The following SDK1 variants were observed in gnomAD, a reference collection of about 807,000 sequenced individuals.
SDK1 encodes protein sidekick-1.
In SDK1, 157 loss-of-function variants were observed where a neutral mutation model predicts 245.5. That is an observed-to-expected ratio of 0.64 (90% confidence interval 0.56 to 0.73). The LOEUF is 0.73. Ranked by LOEUF, SDK1 falls within the 30% of genes least tolerant of loss-of-function variation. SDK1 has a pLI of 0.00. For synonymous variants in SDK1, 1,647 were observed against 1,278.5 expected, an observed-to-expected ratio of 1.29 and a Z score of -6.15; for missense variants, 3,583 against 3,002.3, an observed-to-expected ratio of 1.19 and a Z score of -4.52.
Position 4,266,930 on chromosome 7 carries a change from T to G in SDK1, c.*1546T>G. 1.4e-5 allele frequency: 14 copies of G among 985,498 alleles called. No homozygotes were observed. Among genetic ancestry groups the G allele is most frequent in the Non-Finnish European group, 1.7e-5 (14 of 829,962 alleles). 61.0% of individuals were successfully genotyped at this position (985,498 alleles called of 1,614,324 possible). The stretch of plus-strand genomic sequence containing the variant: ...CAGTGACCTGAGGGTAGGGGACAAC[T>G]GAGCAGTATCTGACCAGTGCCACCC... On this transcript the variant is annotated 3_prime_UTR_variant, in exon 45 of 45. Transcript: ENST00000404826.
intron 1 of SDK1, 140 bp downstream of exon 1, chr7:3,302,024 C>T (rs1180793683): frequency 3.6e-6 from 2 of 552,838 alleles, no homozygotes; most frequent in East Asian, 9.3e-5. Flanking sequence ...CTAGGGAGCC[C>T]AGGGGCTCCT....
At chr7:4,017,782 G>A (rs1010376102) in intron 17 of SDK1, among the ~76,000 whole-genome samples, 2 of 152,146 alleles carry the variant, frequency 1.3e-5, no homozygotes, top group African/African-American at 2.4e-5. Flanking sequence ...ACTGGTAATC[G>A]AATTTGCAAC....
intron 4 of SDK1, among the ~76,000 whole-genome samples, chr7:3,674,241 C>T (rs955705239): frequency 6.6e-6 from 1 of 152,012 alleles, no homozygotes; most frequent in Admixed American, 6.6e-5. Context: ...TAAAGTTAGA[C>T]GACATGAGAT....
intron 4 of SDK1, among the ~76,000 whole-genome samples, chr7:3,790,357 C>G (rs1781042568): frequency 6.6e-6 from 1 of 152,174 alleles, no homozygotes; most frequent in Non-Finnish European, 1.5e-5. Flanking sequence ...CCTCCAGTCT[C>G]CTGTGGCTGC....
chr7:3,913,232 C>T (rs562741372), intron 5 of SDK1, among the ~76,000 whole-genome samples: 10 of 152,120 alleles, frequency 6.6e-5, no homozygotes, highest in East Asian at 1.9e-4. Flanking sequence ...AGATGGCTCC[C>T]GGTCTTCTTG....
At chr7:3,449,867 G>C (rs890349466) in intron 1 of SDK1, among the ~76,000 whole-genome samples, 1 of 152,186 alleles carries the variant, frequency 6.6e-6, no homozygotes, top group Non-Finnish European at 1.5e-5. Flanking sequence ...TTAGGAGCTA[G>C]TGGACACTCA....
At chr7:4,186,539 G>C (rs182003646) in intron 35 of SDK1, among the ~76,000 whole-genome samples, 1 of 152,188 alleles carries the variant, frequency 6.6e-6, no homozygotes, top group Non-Finnish European at 1.5e-5. Flanking sequence ...CCCGGAGCCG[G>C]CTCGCCTTCC....
At chr7:3,396,168 T>A (rs1296135385) in intron 1 of SDK1, among the ~76,000 whole-genome samples, 1 of 151,896 alleles carries the variant, frequency 6.6e-6, no homozygotes, top group Non-Finnish European at 1.5e-5. Flanking sequence ...TTATTCAGAT[T>A]AAAATACTTG....
At chr7:4,207,417 C>T (rs1042101393) in intron 36 of SDK1, among the ~76,000 whole-genome samples, 1 of 152,164 alleles carries the variant, frequency 6.6e-6, no homozygotes, top group African/African-American at 2.4e-5. Context: ...CTCTTTAAAC[C>T]TTTGTGCTTG....
chr7:4,034,860 C>A (rs1178376277), intron 17 of SDK1, among the ~76,000 whole-genome samples: 1 of 152,140 alleles, frequency 6.6e-6, no homozygotes, highest in Non-Finnish European at 1.5e-5. Flanking sequence ...AGGACGAATT[C>A]GAGAACTAGA....
chr7:3,608,965 C>A (rs1378120964), intron 1 of SDK1, among the ~76,000 whole-genome samples: 1 of 152,066 alleles, frequency 6.6e-6, no homozygotes, highest in African/African-American at 2.4e-5. Flanking sequence ...TTACAAGAGA[C>A]TAAATGCAGA....
chr7:3,971,381 C>A, intron 11 of SDK1, 85 bp from the exon 12 acceptor site: 3 of 864,400 alleles, frequency 3.5e-6, no homozygotes, highest in Non-Finnish European at 5.8e-6. Context: ...GTTGTGATGT[C>A]AGATGACCAG....
At chr7:3,361,772 C>A (rs936555989) in intron 1 of SDK1, among the ~76,000 whole-genome samples, 2 of 152,228 alleles carry the variant, frequency 1.3e-5, no homozygotes, top group East Asian at 3.9e-4. Flanking sequence ...GTTCCATGCA[C>A]AGTATTGGTG....
intron 12 of SDK1, among the ~76,000 whole-genome samples, chr7:3,972,625 A>C (rs1012658402): frequency 4.6e-5 from 7 of 152,356 alleles, no homozygotes; most frequent in South Asian, 4.1e-4. Flanking sequence ...GAAGGGGCAC[A>C]GTGCATGAGT....
At position 3,632,798 on chromosome 7, in the gene SDK1, A is replaced by G. The variant is rs143173815; in HGVS notation, c.459-6206A>G. On this transcript the variant is annotated intron_variant, in intron 2 of 44. Coordinates refer to ENST00000404826, the MANE Select transcript of SDK1 (RefSeq NM_152744.4). ...GTGAGCTGTATACACCATCAAAGTC[A>G]CATATATATCTCTCTCTTAACAAAT... is the stretch of plus-strand genomic sequence containing the variant. Among the ~76,000 whole-genome samples the G allele has an allele frequency of 2.6e-5, 4 of 152,250 alleles. No individual in the cohort carries two copies. In the East Asian group the frequency reaches 5.8e-4, roughly 22 times the overall value.
intron 1 of SDK1, among the ~76,000 whole-genome samples, chr7:3,595,128 C>T (rs577045606): frequency 2.6e-5 from 4 of 152,050 alleles, no homozygotes; most frequent in Admixed American, 6.6e-5. Flanking sequence ...AATTTTCTCC[C>T]GATTACTTTT....
chr7:3,456,810 G>T (rs1417764023), intron 1 of SDK1, among the ~76,000 whole-genome samples: 1 of 152,136 alleles, frequency 6.6e-6, no homozygotes. Flanking sequence ...TATGTTAGGA[G>T]ACTCTTGGTC....
chr7:4,157,541 T>A (rs1306175630), intron 30 of SDK1, among the ~76,000 whole-genome samples: 3 of 115,282 alleles, frequency 2.6e-5, no homozygotes, highest in Non-Finnish European at 5.6e-5. Flanking sequence ...GGAAGGAAGG[T>A]GGGTGGGCAG....
At chr7:3,329,148 T>G (rs1181982984) in intron 1 of SDK1, among the ~76,000 whole-genome samples, 1 of 152,154 alleles carries the variant, frequency 6.6e-6, no homozygotes, top group Non-Finnish European at 1.5e-5. Flanking sequence ...AAATTAAATT[T>G]GAAGAAAAGG....
Sources: gnomAD v4.1 joint callset for allele counts (sites outside exome capture counted in the v4.1 genomes callset) on GRCh38, gnomAD v4.1.1 for gene constraint, MANE v1.5 for transcripts, NCBI Gene and HGNC (gene_info 2026-07-23, HGNC 2026-07-21) for gene names.